DOCK10: variants seen among roughly 807,000 people sequenced by gnomAD.
DOCK10 encodes dedicator of cytokinesis protein 10.
DOCK10 carries 145 observed loss-of-function variants against 280.1 expected under a neutral mutation model. The observed-to-expected ratio is 0.52, with a 90% CI of 0.45 to 0.59. The LOEUF is 0.59. DOCK10 is among the 20% of genes least tolerant of loss of function. The probability of loss-of-function intolerance (pLI) is 0.00; values close to 1 mark genes in which losing one functional copy is unlikely to be tolerated. For synonymous variants in DOCK10, 915 were observed against 942.2 expected, an observed-to-expected ratio of 0.97 and a Z score of 0.53; for missense variants, 2,368 against 2,651.7, an observed-to-expected ratio of 0.89 and a Z score of 2.35.
chr2:224,902,226 A>T (rs1700341165), intron 3 of DOCK10, among the ~76,000 whole-genome samples: 1 of 152,210 alleles, frequency 6.6e-6, no homozygotes, highest in Admixed American at 6.5e-5. Flanking sequence ...AAAAGGGTTG[A>T]TTATTGAATT....
Position 224,896,372 on chromosome 2 carries a change from A to G in DOCK10, c.339T>C (p.Cys113=). 6.3e-7 allele frequency: 1 copy of G among 1,579,050 alleles called. No individual in the cohort carries two copies. The highest frequency in any genetic ancestry group is 8.7e-7 in the Non-Finnish European group (1 of 1,154,552). Residue 113 remains cysteine, a synonymous_variant, in exon 4 of 56, where the codon TGT becomes TGC. Coordinates refer to ENST00000258390, the MANE Select transcript of DOCK10 (RefSeq NM_014689.3). ...CATGCCACTGGGAACTATAAAATTT[A>G]CAAGCCTGAAAGAAAGAAAAATGAC... ...KAENLLVKEA[C]KFYSSQWHVV... is the part of the protein sequence containing the mutation.
intron 1 of DOCK10, among the ~76,000 whole-genome samples, chr2:224,934,098 G>A (rs554024036): frequency 1.3e-5 from 2 of 152,108 alleles, no homozygotes; most frequent in Non-Finnish European, 2.9e-5. Flanking sequence ...AATGGTCCCT[G>A]GTAGTTCGCC....
At chr2:224,965,037 G>T (rs867738255) in intron 1 of DOCK10, among the ~76,000 whole-genome samples, 1 of 152,106 alleles carries the variant, frequency 6.6e-6, no homozygotes, top group Non-Finnish European at 1.5e-5. Context: ...AAATTCTTTT[G>T]GTAGAAGTCA....
chr2:224,996,390 C>T (rs1360493259), intron 1 of DOCK10, among the ~76,000 whole-genome samples: 1 of 152,208 alleles, frequency 6.6e-6, no homozygotes, highest in African/African-American at 2.4e-5. Flanking sequence ...AGTCCTGGCT[C>T]AGCCATTTAT....
At chr2:224,903,500 G>T (rs528858617) in intron 3 of DOCK10, among the ~76,000 whole-genome samples, 1 of 152,260 alleles carries the variant, frequency 6.6e-6, no homozygotes, top group African/African-American at 2.4e-5. Context: ...GCTGTGTTAA[G>T]GCAGTTGAAT....
intron 28 of DOCK10, among the ~76,000 whole-genome samples, chr2:224,820,385 C>T (rs1694431267): frequency 6.6e-6 from 1 of 152,200 alleles, no homozygotes. Context: ...AGGAAGGGAC[C>T]ATAGTTCCCA....
intron 3 of DOCK10, among the ~76,000 whole-genome samples, chr2:224,909,304 G>T (rs1700864523): frequency 6.6e-6 from 1 of 152,102 alleles, no homozygotes. Context: ...ATTTTTTATG[G>T]TTATGGATGT....
At chr2:224,991,946 CAGG>C (rs1381151355) in intron 1 of DOCK10, among the ~76,000 whole-genome samples, 1 of 152,024 alleles carries the variant, frequency 6.6e-6, no homozygotes, top group African/African-American at 2.4e-5. Flanking sequence ...GGGGTGAATA[CAGG>C]AGGAGTTGTT....
chr2:224,885,163 C>T (rs917333712), intron 7 of DOCK10, among the ~76,000 whole-genome samples: 3 of 152,130 alleles, frequency 2.0e-5, no homozygotes, highest in African/African-American at 7.2e-5. Context: ...CCGCATCTGG[C>T]TAATTTTTGT....
chr2:224,845,841 A>T (rs558555654), intron 19 of DOCK10, among the ~76,000 whole-genome samples, 199 bp from the exon 20 acceptor site: 2 of 152,166 alleles, frequency 1.3e-5, no homozygotes, highest in African/African-American at 4.8e-5. Flanking sequence ...CTCCTGCCTT[A>T]GTCTCCCCAG....
chr2:224,886,366 A>G (rs1699282544), intron 5 of DOCK10, 93 bp downstream of exon 5: 4 of 1,472,588 alleles, frequency 2.7e-6, no homozygotes, highest in African/African-American at 1.4e-5. Flanking sequence ...ACTACAGCTT[A>G]CAACAAACCG....
In DOCK10 at chr2:224,795,034, C is replaced by T; in HGVS notation, c.4999G>A (p.Ala1667Thr). 6.2e-7 allele frequency: 1 copy of T among 1,613,882 alleles called. No individual in the cohort carries two copies. The highest frequency in any genetic ancestry group is 1.1e-5 in the South Asian group (1 of 91,066). The stretch of plus-strand genomic sequence containing the variant: ...TCGTGCTCCTTCATCTGAGCTGTGG[C>T]CATCAAAACAGTCCTTATACGCTTA... ...LTKRIRTVLM[A>T]TAQMKEHEKD... Residue 1667 changes from alanine (A) to threonine (T), a missense_variant, in exon 45 of 56, where the codon GCC (alanine) becomes ACC (threonine). Transcript: ENST00000258390.
chr2:224,963,125 T>C (rs905857535), intron 1 of DOCK10, among the ~76,000 whole-genome samples: 9 of 152,180 alleles, frequency 5.9e-5, no homozygotes, highest in African/African-American at 2.2e-4. Flanking sequence ...CCTAGTTTGC[T>C]ATGCTACCCA....
intron 1 of DOCK10, chr2:224,982,259 A>T: frequency 8.1e-7 from 1 of 1,232,020 alleles, no homozygotes; most frequent in Non-Finnish European, 1.0e-6. Flanking sequence ...TTCCAGAGGC[A>T]AAATTTCGTG....
At position 224,852,752 on chromosome 2, in the gene DOCK10, C is replaced by T. The variant is rs545432395; in HGVS notation, c.2076+183G>A. 6.6e-5 allele frequency among the ~76,000 whole-genome samples: 10 copies of T among 152,302 alleles called. No individual in the cohort carries two copies. The South Asian group carries it at 2.1e-3, about 32-fold the overall frequency. On this transcript the variant is annotated intron_variant, in intron 17 of 55. Transcript: ENST00000258390. Reference sequence around the variant, plus strand: ...AAAAGATTATTAATATGCTACGAAACTGCATCCTTAAACACTTCTAAGATA... The same window carrying T: ...AAAAGATTATTAATATGCTACGAAATTGCATCCTTAAACACTTCTAAGATA...
intron 1 of DOCK10, among the ~76,000 whole-genome samples, chr2:224,964,968 G>A (rs570476259): frequency 7.2e-4 from 110 of 152,254 alleles, no homozygotes; most frequent in African/African-American, 2.5e-3. Flanking sequence ...ATGGATGTCC[G>A]CAGCAAACAT....
intron 1 of DOCK10, among the ~76,000 whole-genome samples, chr2:224,954,215 A>C (rs1703920383): frequency 6.6e-6 from 1 of 152,192 alleles, no homozygotes; most frequent in African/African-American, 2.4e-5. Context: ...TTTCTTACAG[A>C]GTTTACAGAG....
intron 1 of DOCK10, among the ~76,000 whole-genome samples, chr2:224,964,837 C>T (rs1418087558): frequency 2.6e-5 from 4 of 152,132 alleles, no homozygotes; most frequent in African/African-American, 9.7e-5. Context: ...GAGAACAGCC[C>T]GGCTATAAGA....
chr2:224,946,444 A>G (rs1489085588), intron 1 of DOCK10, among the ~76,000 whole-genome samples: 2 of 152,212 alleles, frequency 1.3e-5, no homozygotes, highest in South Asian at 2.1e-4. Flanking sequence ...ATGATAAAAT[A>G]GAGCAATGAC....
Sources: allele counts gnomAD v4.1 joint callset (sites outside exome capture counted in the v4.1 genomes callset), GRCh38; gene constraint gnomAD v4.1.1; transcripts MANE v1.5; gene names NCBI Gene and HGNC (gene_info 2026-07-23, HGNC 2026-07-21).